PRKX: variants seen among roughly 807,000 people sequenced by gnomAD.
PRKX encodes protein kinase cAMP-dependent X-linked catalytic subunit.
A neutral mutation model predicts 22.0 loss-of-function variants in PRKX; 12 were observed. That is an observed-to-expected ratio of 0.54 (90% CI 0.35 to 0.88). The LOEUF (loss-of-function observed/expected upper bound fraction) is 0.88, where lower values mean the gene tolerates loss of function less well. Among genes scored for constraint, PRKX ranks in the 40% least tolerant of loss-of-function variants. The pLI is 0.01. For synonymous variants in PRKX, 134 were observed against 137.7 expected (o/e 0.97, Z 0.19); for missense variants, 217 against 308.0 (o/e 0.70, Z 2.21).
At chrX:3,691,014 G>C in intron 1 of PRKX, among the ~76,000 whole-genome samples, 1 of 111,503 alleles carries the variant, frequency 9.0e-6, no homozygotes, top group Non-Finnish European at 1.9e-5. Context: ...GGATAAATCA[G>C]AGACGGTAGA....
intron 6 of PRKX, among the ~76,000 whole-genome samples, chrX:3,617,953 T>TG (rs1196099863): frequency 2.0e-4 from 20 of 99,007 alleles, no homozygotes; most frequent in South Asian, 1.0e-3. Context: ...ATGTTCTTTT[T>TG]GGGGGGGCGG....
intron 1 of PRKX, among the ~76,000 whole-genome samples, chrX:3,680,285 C>T (rs1928045254): frequency 9.0e-6 from 1 of 110,536 alleles, no homozygotes; most frequent in South Asian, 3.9e-4. Context: ...CTGGGATTAC[C>T]GGTGCCCGCC....
intron 4 of PRKX, 59 bp from the exon 5 acceptor site, chrX:3,626,573 C>T (rs1039976555): frequency 9.5e-5 from 80 of 846,380 alleles, no homozygotes; most frequent in Middle Eastern, 5.5e-4. Context: ...AAAATCCCTG[C>T]TTTGTAACGA....
At chrX:3,645,863 A>G (rs1927176587) in intron 3 of PRKX, among the ~76,000 whole-genome samples, 1 of 112,459 alleles carries the variant, frequency 8.9e-6, no homozygotes, top group African/African-American at 3.2e-5. Flanking sequence ...CAGCCCAGGC[A>G]TTGGAAGCTG....
At chrX:3,615,974 T>A in intron 6 of PRKX, 82 bp from the exon 7 acceptor site, 1 of 876,699 alleles carries the variant, frequency 1.1e-6, no homozygotes, top group Non-Finnish European at 1.6e-6. Flanking sequence ...AATCTCTACA[T>A]TATTTTAGTA....
intron 3 of PRKX, among the ~76,000 whole-genome samples, chrX:3,651,482 A>T (rs1161614950): frequency 2.7e-5 from 3 of 112,428 alleles, no homozygotes; most frequent in Non-Finnish European, 5.6e-5. Flanking sequence ...TCAATATTTT[A>T]AAAAATCCTG....
At chrX:3,712,997 G>C (rs1928823817) in intron 1 of PRKX, 91 bp downstream of exon 1, 1 of 1,007,672 alleles carries the variant, frequency 9.9e-7, no homozygotes, top group Non-Finnish European at 1.3e-6. Flanking sequence ...CCCTCCCCAG[G>C]AGGTCGGCAC....
At chrX:3,677,030 A>G (rs6567580) in intron 1 of PRKX, among the ~76,000 whole-genome samples, 43,741 of 110,186 alleles carry the variant, frequency 0.4, 7,313 homozygotes, top group East Asian at 0.63. Context: ...GTCTTCATTA[A>G]CAGCATGAGA....
rs760693990 is a variant in PRKX at position 3,706,061 on chromosome X, TCA to T, written c.166+7025_166+7026del. On this transcript the variant is annotated intron_variant, in intron 1 of 8. Transcript: ENST00000262848. Reference sequence around the variant, plus strand: ...TTACTACCTTTTTAAGATATATCTCTCACTCTTTTTTTCAACTTTACATATGC... The same window carrying T: ...TTACTACCTTTTTAAGATATATCTCTCTCTTTTTTTCAACTTTACATATGC... Among the ~76,000 whole-genome samples the T allele has an allele frequency of 8.2e-5, 9 of 109,145 alleles. 1 individual carries two copies. The East Asian group carries it at 2.6e-3, about 32-fold the overall frequency. 94.8% of individuals were successfully genotyped at this position (109,145 alleles called of 115,157 possible).
At chrX:3,617,295 T>C (rs905352849) in intron 6 of PRKX, among the ~76,000 whole-genome samples, 3 of 110,546 alleles carry the variant, frequency 2.7e-5, no homozygotes, top group Non-Finnish European at 5.7e-5. Context: ...ACAAAGTATA[T>C]GTATATACCG....
At chrX:3,665,921 TGGATGG>T (rs202131676) in intron 2 of PRKX, among the ~76,000 whole-genome samples, 5 of 94,631 alleles carry the variant, frequency 5.3e-5, no homozygotes, top group Non-Finnish European at 1.0e-4. Context: ...GTTCTGGAGA[TGGATGG>T]GGATGGGGAT....
At chrX:3,678,622 A>G (rs763041831) in intron 1 of PRKX, among the ~76,000 whole-genome samples, 1 of 112,242 alleles carries the variant, frequency 8.9e-6, no homozygotes, top group African/African-American at 3.2e-5. Flanking sequence ...AGTCCCGCCA[A>G]CGCCACAATC....
chrX:3,618,793 T>C (rs1352097440), intron 6 of PRKX, among the ~76,000 whole-genome samples: 3 of 111,393 alleles, frequency 2.7e-5, no homozygotes, highest in Non-Finnish European at 5.6e-5. Flanking sequence ...TGATGGTCAC[T>C]ACGCCATTCC....
At chrX:3,627,447 G>A (rs1419907705) in intron 4 of PRKX, among the ~76,000 whole-genome samples, 1 of 105,425 alleles carries the variant, frequency 9.5e-6, no homozygotes, top group Non-Finnish European at 1.9e-5. Context: ...TGCTGGTGAG[G>A]ATGTGGAGAA....
intron 1 of PRKX, among the ~76,000 whole-genome samples, chrX:3,692,408 C>T (rs1928349913): frequency 9.0e-6 from 1 of 110,644 alleles, no homozygotes; most frequent in African/African-American, 3.3e-5. Context: ...AAGCACTGCC[C>T]GTAGTATCGC....
chrX:3,648,451 G>C (rs1252180858), intron 3 of PRKX, among the ~76,000 whole-genome samples: 2 of 109,262 alleles, frequency 1.8e-5, no homozygotes, highest in Admixed American at 2.0e-4. Context: ...TTTAAAGGGA[G>C]TTATCTGTTA....
intron 1 of PRKX, among the ~76,000 whole-genome samples, chrX:3,708,563 TA>T (rs138886792): frequency 0.053 from 5,368 of 101,923 alleles, 155 homozygotes; most frequent in Non-Finnish European, 0.077. Context: ...TGTGAAAGTT[TA>T]AAAAAAAAAA....
At chrX:3,675,935 G>C (rs1487568036) in intron 1 of PRKX, among the ~76,000 whole-genome samples, 8 of 111,033 alleles carry the variant, frequency 7.2e-5, no homozygotes, top group Admixed American at 9.7e-5. Context: ...TGTAAAGAGG[G>C]GGTCACACTG....
chrX:3,707,383 G>A (rs1928706719), intron 1 of PRKX, among the ~76,000 whole-genome samples: 1 of 111,478 alleles, frequency 9.0e-6, no homozygotes, highest in African/African-American at 3.3e-5. Context: ...GGCACATGAG[G>A]AGGGTTGATT....
Sources: gnomAD v4.1 joint callset for allele counts (sites outside exome capture counted in the v4.1 genomes callset) on GRCh38, gnomAD v4.1.1 for gene constraint, MANE v1.5 for transcripts, NCBI Gene and HGNC (gene_info 2026-07-23, HGNC 2026-07-21) for gene names.